Variants in GRM8 observed in about 807,000 individuals in gnomAD.
GRM8 encodes metabotropic glutamate receptor 8.
Under a neutral mutation model 87.2 loss-of-function variants are expected in GRM8, and 47 were observed. The observed-to-expected ratio is 0.54, with a 90% CI of 0.43 to 0.69. The LOEUF is 0.69. Among genes scored for constraint, GRM8 ranks in the 30% least tolerant of loss-of-function variants. GRM8 has a pLI of 0.00. For missense variants in GRM8, 1,019 were observed against 1,139.2 expected (o/e 0.89, Z 1.52); for synonymous variants, 396 against 404.5 (o/e 0.98, Z 0.25).
At chr7:126,695,850 A>G (rs1809324815) in intron 7 of GRM8, among the ~76,000 whole-genome samples, 1 of 152,190 alleles carries the variant, frequency 6.6e-6, no homozygotes, top group African/African-American at 2.4e-5. Context: ...AGCACAAAAG[A>G]ATAGTTAGAG....
At chr7:126,623,665 A>G (rs936789138) in intron 7 of GRM8, among the ~76,000 whole-genome samples, 1 of 152,058 alleles carries the variant, frequency 6.6e-6, no homozygotes, top group Non-Finnish European at 1.5e-5. Context: ...CCCTTCAATC[A>G]TTTCTTCCCT....
chr7:127,250,109 A>G (rs1429017290), intron 1 of GRM8, among the ~76,000 whole-genome samples: 2 of 152,226 alleles, frequency 1.3e-5, no homozygotes, highest in Non-Finnish European at 2.9e-5. Flanking sequence ...CCTGAAGACA[A>G]TGGAACATTC....
At chr7:126,605,196 A>C (rs1798235551) in intron 8 of GRM8, among the ~76,000 whole-genome samples, 1 of 151,852 alleles carries the variant, frequency 6.6e-6, no homozygotes, top group African/African-American at 2.4e-5. Flanking sequence ...TTTACTCTGA[A>C]CCTCTAGGTT....
chr7:127,028,068 C>A (rs1423421535), intron 3 of GRM8, among the ~76,000 whole-genome samples: 2 of 152,176 alleles, frequency 1.3e-5, no homozygotes, highest in Non-Finnish European at 2.9e-5. Flanking sequence ...AAGGACTTTT[C>A]TGCATCTACT....
chr7:126,443,024 T>G (rs566292375), intron 10 of GRM8, among the ~76,000 whole-genome samples: 29 of 152,154 alleles, frequency 1.9e-4, no homozygotes, highest in Middle Eastern at 3.4e-3. Context: ...TTTTTCACGG[T>G]GCTGATGAAT....
At chr7:126,914,662 G>A (rs1563312240) in intron 3 of GRM8, among the ~76,000 whole-genome samples, 1 of 152,200 alleles carries the variant, frequency 6.6e-6, no homozygotes, top group Non-Finnish European at 1.5e-5. Context: ...GCAAATTAAT[G>A]CAGAAACAGA....
intron 8 of GRM8, among the ~76,000 whole-genome samples, chr7:126,540,228 A>C (rs1257389178): frequency 3.9e-5 from 6 of 152,160 alleles, no homozygotes; most frequent in Non-Finnish European, 8.8e-5. Flanking sequence ...GCTATCAGGG[A>C]AATCTAAATC....
intron 8 of GRM8, among the ~76,000 whole-genome samples, chr7:126,554,224 T>C (rs1215915561): frequency 6.6e-6 from 1 of 151,732 alleles, no homozygotes; most frequent in Non-Finnish European, 1.5e-5. Flanking sequence ...AAATTGTAGA[T>C]AAAAATAAAA....
chr7:126,464,655 G>A (rs1804287065), intron 9 of GRM8, among the ~76,000 whole-genome samples: 1 of 151,410 alleles, frequency 6.6e-6, no homozygotes, highest in Admixed American at 6.6e-5. Context: ...TTGATTTGAG[G>A]TTGCCACGAG....
chr7:126,696,382 C>T (rs1419149596), intron 7 of GRM8, among the ~76,000 whole-genome samples: 1 of 152,064 alleles, frequency 6.6e-6, no homozygotes, highest in African/African-American at 2.4e-5. Flanking sequence ...CTCTCTTTCC[C>T]TGCCCCCTAC....
chr7:127,244,840 C>A (rs1157444346), intron 1 of GRM8, among the ~76,000 whole-genome samples: 1 of 152,312 alleles, frequency 6.6e-6, no homozygotes, highest in Non-Finnish European at 1.5e-5. Flanking sequence ...GGGCTCATAG[C>A]AGCCCACTGC....
At chr7:126,550,817 AG>A (rs1345087340) in intron 8 of GRM8, among the ~76,000 whole-genome samples, 1 of 151,886 alleles carries the variant, frequency 6.6e-6, no homozygotes, top group Admixed American at 6.6e-5. Context: ...TAATAATAAA[AG>A]ACTTAGAAAC....
At chr7:126,862,952 ATTGTATTACT>A (rs1203794007) in intron 6 of GRM8, among the ~76,000 whole-genome samples, 1 of 151,928 alleles carries the variant, frequency 6.6e-6, no homozygotes, top group Non-Finnish European at 1.5e-5. Context: ...TCTGTTTGCT[ATTGTATTACT>A]TTGTGCTTCT....
At chr7:126,922,953 T>C (rs1334885404) in intron 3 of GRM8, among the ~76,000 whole-genome samples, 2 of 152,180 alleles carry the variant, frequency 1.3e-5, no homozygotes, top group Admixed American at 1.3e-4. Context: ...CCACTATGCT[T>C]CCTGTTCAGC....
intron 7 of GRM8, among the ~76,000 whole-genome samples, chr7:126,665,855 C>A (rs1805702704): frequency 6.6e-6 from 1 of 151,848 alleles, no homozygotes; most frequent in Non-Finnish European, 1.5e-5. Flanking sequence ...GCCAAGAGTA[C>A]TGCATGTTTT....
chr7:126,660,577 T>G (rs930103200), intron 7 of GRM8, among the ~76,000 whole-genome samples: 1 of 152,214 alleles, frequency 6.6e-6, no homozygotes, highest in Non-Finnish European at 1.5e-5. Flanking sequence ...TTTGGATACA[T>G]GTCTACACTT....
chr7:126,522,760 C>T lies in GRM8; in HGVS notation c.2430+10192G>A, dbSNP rs1486500714. On this transcript the variant is annotated intron_variant, in intron 9 of 10. Transcript: ENST00000339582. Reference sequence around the variant, plus strand: ...TCCCTCTTTTAGGCCTTTTTAAATTCCCACTTCCTTCATGGACAGTTTCTT... The same window carrying T: ...TCCCTCTTTTAGGCCTTTTTAAATTTCCACTTCCTTCATGGACAGTTTCTT... 3.9e-5 allele frequency among the ~76,000 whole-genome samples: 6 copies of T among 152,068 alleles called. No homozygotes were observed. The East Asian group carries it at 1.2e-3, about 29-fold the overall frequency.
At chr7:126,999,756 C>G (rs1050328030) in intron 3 of GRM8, among the ~76,000 whole-genome samples, 1 of 151,494 alleles carries the variant, frequency 6.6e-6, no homozygotes, top group African/African-American at 2.4e-5. Flanking sequence ...GAGAGAATGT[C>G]AAGAAAAGGG....
intron 8 of GRM8, among the ~76,000 whole-genome samples, chr7:126,588,416 T>C (rs1338665176): frequency 6.6e-6 from 1 of 152,014 alleles, no homozygotes; most frequent in South Asian, 2.1e-4. Context: ...GAACTAAGAG[T>C]TGAACTACCA....
Sources: allele counts gnomAD v4.1 joint callset (sites outside exome capture counted in the v4.1 genomes callset), GRCh38; gene constraint gnomAD v4.1.1; transcripts MANE v1.5; gene names NCBI Gene and HGNC (gene_info 2026-07-23, HGNC 2026-07-21).